ABCG2: variants seen among roughly 807,000 people sequenced by gnomAD.
The protein encoded by ABCG2 is ATP binding cassette subfamily G member 2 (JR blood group).
ABCG2 carries 80 observed loss-of-function variants against 73.5 expected under a neutral mutation model. The ratio of observed to expected loss-of-function variants is 1.09; its 90% confidence interval spans 0.91 to 1.31. The LOEUF (loss-of-function observed/expected upper bound fraction) is 1.31, where lower values mean the gene tolerates loss of function less well. Ranked by LOEUF, ABCG2 falls within the 50% of genes most tolerant of loss-of-function variation. The pLI is 0.00. For missense variants in ABCG2, 796 were observed against 786.2 expected, an observed-to-expected ratio of 1.01 and a Z score of -0.15; for synonymous variants, 269 against 282.4, an observed-to-expected ratio of 0.95 and a Z score of 0.48.
At chr4:88,212,758 C>T (rs1729654758) in intron 1 of ABCG2, among the ~76,000 whole-genome samples, 1 of 152,170 alleles carries the variant, frequency 6.6e-6, no homozygotes, top group African/African-American at 2.4e-5. Flanking sequence ...CTCCTCTGCT[C>T]CCCTTTTGCT....
intron 1 of ABCG2, among the ~76,000 whole-genome samples, chr4:88,167,667 C>T (rs994220450): frequency 3.3e-5 from 5 of 152,130 alleles, no homozygotes; most frequent in Non-Finnish European, 5.9e-5. Flanking sequence ...TGAGCCACTG[C>T]GCCCAGGCTC....
intron 1 of ABCG2, among the ~76,000 whole-genome samples, chr4:88,164,711 T>A (rs576047662): frequency 6.6e-6 from 1 of 152,302 alleles, no homozygotes; most frequent in Non-Finnish European, 1.5e-5. Context: ...AGAAACTTTT[T>A]AAAAAATTGT....
intron 9 of ABCG2, among the ~76,000 whole-genome samples, chr4:88,110,303 G>T (rs967451821): frequency 6.6e-6 from 1 of 152,010 alleles, no homozygotes; most frequent in Non-Finnish European, 1.5e-5. Context: ...GCACTGTGGG[G>T]GACTGAAGCG....
intron 13 of ABCG2, among the ~76,000 whole-genome samples, chr4:88,096,619 C>G (rs1722002176): frequency 6.6e-6 from 1 of 152,044 alleles, no homozygotes; most frequent in African/African-American, 2.4e-5. Context: ...TCTACTCCTA[C>G]TCTAGCAGAC....
intron 1 of ABCG2, among the ~76,000 whole-genome samples, chr4:88,152,964 G>T (rs900517126): frequency 1.3e-5 from 2 of 152,084 alleles, no homozygotes; most frequent in East Asian, 1.9e-4. Flanking sequence ...TCCTATATAA[G>T]TATTGGTGAT....
At position 88,187,506 on chromosome 4, in the gene ABCG2, G is replaced by A. The variant is rs186896020; in HGVS notation, c.-20+43488C>T. On this transcript the variant is annotated intron_variant, in intron 1 of 15. Coordinates refer to the ABCG2 transcript ENST00000515655. ...TGGGTGCCTCTAATCCCAGCTACTC[G>A]GGAGGCTGAGGCAGGAGAATTGCTT... Among the ~76,000 whole-genome samples, 721 of 152,100 alleles carry A rather than the reference G, an allele frequency of 4.7e-3. 6 individuals carry two copies. The highest frequency in any genetic ancestry group is 0.017 in the African/African-American group (694 of 41,500).
intron 1 of ABCG2, among the ~76,000 whole-genome samples, chr4:88,201,339 A>C (rs993359773): frequency 2.0e-5 from 3 of 152,172 alleles, no homozygotes; most frequent in Non-Finnish European, 4.4e-5. Context: ...AAGACCCCAC[A>C]GACATTGAAA....
At chr4:88,155,028 C>A (rs1040556717) in intron 1 of ABCG2, among the ~76,000 whole-genome samples, 5 of 151,586 alleles carry the variant, frequency 3.3e-5, no homozygotes, top group Non-Finnish European at 7.4e-5. Flanking sequence ...CCCTGCACTT[C>A]GGCTGTGTGT....
upstream of ABCG2, among the ~76,000 whole-genome samples, chr4:88,161,229 G>T (rs1727289921): frequency 7.6e-6 from 1 of 131,182 alleles, no homozygotes. Context: ...GTGCAGGTTA[G>T]TTACATATGT....
At chr4:88,099,888 C>T (rs1379326925) in intron 11 of ABCG2, among the ~76,000 whole-genome samples, 10 of 152,038 alleles carry the variant, frequency 6.6e-5, no homozygotes, top group African/African-American at 2.4e-4. Context: ...ATTCTCCAAG[C>T]CCCCTAGTGC....
rs150894932 is a variant in ABCG2, at chr4:88,173,602, C to G, written c.-19-33588G>C. Among the ~76,000 whole-genome samples the G allele has an allele frequency of 2.5e-3, 382 of 152,292 alleles. 2 individuals are homozygous for G. The highest frequency in any genetic ancestry group is 8.6e-3 in the African/African-American group (359 of 41,562). On this transcript the variant is annotated intron_variant, in intron 1 of 15. Transcript: ENST00000515655. Reference sequence around the variant, plus strand: ...GCAAACCCCAACACTATTATCACATCTAAACAATGGACAATTTATTTTTAC... The same window carrying G: ...GCAAACCCCAACACTATTATCACATGTAAACAATGGACAATTTATTTTTAC...
At chr4:88,217,998 AC>A (rs1423286403) in intron 1 of ABCG2, among the ~76,000 whole-genome samples, 1 of 151,122 alleles carries the variant, frequency 6.6e-6, no homozygotes, top group East Asian at 1.9e-4. Context: ...AAAAAGGAAC[AC>A]ACGAGTGTGA....
At chr4:88,171,365 A>C (rs543397769) in intron 1 of ABCG2, among the ~76,000 whole-genome samples, 1 of 151,028 alleles carries the variant, frequency 6.6e-6, no homozygotes, top group South Asian at 2.1e-4. Flanking sequence ...AAATTTAAAA[A>C]AAAAATGATT....
chr4:88,135,063 T>C (rs1725150594), intron 2 of ABCG2, among the ~76,000 whole-genome samples: 1 of 152,152 alleles, frequency 6.6e-6, no homozygotes, highest in Admixed American at 6.5e-5. Flanking sequence ...CACAGCTGAG[T>C]AGCTGCAACA....
chr4:88,091,973 G>A lies in ABCG2; in HGVS notation c.*261C>T. 3.3e-6 allele frequency: 1 copy of A among 298,786 alleles called. No homozygotes were observed. The highest frequency in any genetic ancestry group is 6.2e-6 in the Non-Finnish European group (1 of 161,964). 18.5% of individuals were successfully genotyped at this position (298,786 alleles called of 1,614,324 possible). ...TCCAGAATTCAATTCTCCTTTTTTA[G>A]ATTAATAAATTAGACCAGATTTCTT... is the stretch of plus-strand genomic sequence containing the variant. On this transcript the variant is annotated 3_prime_UTR_variant, in exon 16 of 16. Coordinates refer to ENST00000237612, the MANE Select transcript of ABCG2 (RefSeq NM_004827.3).
intron 9 of ABCG2, among the ~76,000 whole-genome samples, chr4:88,110,300 G>T (rs1292807383): frequency 6.6e-6 from 1 of 152,036 alleles, no homozygotes; most frequent in Non-Finnish European, 1.5e-5. Flanking sequence ...CCAGCACTGT[G>T]GGGGACTGAA....
At chr4:88,199,253 G>A (rs1729056664) in intron 1 of ABCG2, among the ~76,000 whole-genome samples, 1 of 152,090 alleles carries the variant, frequency 6.6e-6, no homozygotes, top group Admixed American at 6.6e-5. Context: ...ACAGGCGTGA[G>A]CCACTGCGCC....
At chr4:88,186,780 G>A (rs1399460847) in intron 1 of ABCG2, among the ~76,000 whole-genome samples, 2 of 150,518 alleles carry the variant, frequency 1.3e-5, no homozygotes, top group Non-Finnish European at 3.0e-5. Context: ...TTAGCCGGGC[G>A]TAGTGGCGGG....
chr4:88,182,658 G>A (rs1406634499), intron 1 of ABCG2, among the ~76,000 whole-genome samples: 5 of 152,102 alleles, frequency 3.3e-5, no homozygotes, highest in Admixed American at 6.5e-5. Flanking sequence ...TGACTAGTGG[G>A]TCAATGAAGA....
Sources: gnomAD v4.1 joint callset for allele counts (sites outside exome capture counted in the v4.1 genomes callset) on GRCh38, gnomAD v4.1.1 for gene constraint, MANE v1.5 for transcripts, NCBI Gene and HGNC (gene_info 2026-07-23, HGNC 2026-07-21) for gene names.